Variants in LAMA2 observed in about 807,000 individuals in gnomAD.
LAMA2 encodes the protein laminin subunit alpha-2.
Under a neutral mutation model 364.8 loss-of-function variants are expected in LAMA2, and 269 were observed. The ratio of observed to expected loss-of-function variants is 0.74; its 90% CI spans 0.67 to 0.82. The LOEUF (loss-of-function observed/expected upper bound fraction) is 0.82, where lower values mean the gene tolerates loss of function less well. Among genes scored for constraint, LAMA2 ranks in the 40% least tolerant of loss-of-function variants. LAMA2 has a pLI of 0.00. For missense variants in LAMA2, 3,807 were observed against 3,873.2 expected (o/e 0.98, Z 0.45); for synonymous variants, 1,379 against 1,370.6 (o/e 1.01, Z -0.14).
At chr6:129,178,098 A>G (rs903571034) in intron 10 of LAMA2, among the ~76,000 whole-genome samples, 3 of 152,222 alleles carry the variant, frequency 2.0e-5, no homozygotes, top group Non-Finnish European at 4.4e-5. Context: ...TTGTTATTTT[A>G]TAACAAAAAC....
chr6:128,987,687 A>T (rs953969004), intron 1 of LAMA2, among the ~76,000 whole-genome samples: 17 of 152,176 alleles, frequency 1.1e-4, no homozygotes, highest in African/African-American at 3.9e-4. Context: ...TAGTATGAAG[A>T]AAAGAGTCTT....
chr6:129,288,178 T>TG (rs1644225365), intron 19 of LAMA2, 120 bp downstream of exon 19: 1 of 817,014 alleles, frequency 1.2e-6, no homozygotes, highest in Non-Finnish European at 2.1e-6. Flanking sequence ...GGTTGATAGA[T>TG]GCATAGAATA....
At chr6:129,386,613 G>A (rs562953502) in intron 35 of LAMA2, among the ~76,000 whole-genome samples, 9 of 152,170 alleles carry the variant, frequency 5.9e-5, no homozygotes, top group East Asian at 1.9e-4. Flanking sequence ...TAAGTAAAGC[G>A]CAGTGAAATA....
At chr6:129,099,748 G>A (rs2114876666) in intron 4 of LAMA2, among the ~76,000 whole-genome samples, 2 of 152,238 alleles carry the variant, frequency 1.3e-5, no homozygotes, top group Admixed American at 6.5e-5. Flanking sequence ...ATGTATACCA[G>A]TGCTTCACTA....
chr6:129,492,749 C>A (rs1784939392), intron 58 of LAMA2, among the ~76,000 whole-genome samples: 1 of 152,192 alleles, frequency 6.6e-6, no homozygotes, highest in Non-Finnish European at 1.5e-5. Flanking sequence ...ACTTATAATA[C>A]CATGACAGAG....
chr6:129,438,064 A>G (rs78686391), intron 41 of LAMA2, among the ~76,000 whole-genome samples: 3,886 of 151,752 alleles, frequency 0.026, 170 homozygotes, highest in African/African-American at 0.089. Flanking sequence ...ACTATATAAA[A>G]TTTATTGGAC....
At chr6:129,314,905 C>A in intron 24 of LAMA2, 107 bp downstream of exon 24, 2 of 1,145,570 alleles carry the variant, frequency 1.7e-6, no homozygotes, top group African/African-American at 1.5e-5. Flanking sequence ...ATTTAAGTAA[C>A]CTTTTCCTCT....
At position 129,315,532 on chromosome 6, in the gene LAMA2, C is replaced by T; in HGVS notation, c.3612C>T (p.His1204=). Residue 1204 remains histidine (H), a synonymous_variant, in exon 25 of 65, where the codon CAC becomes CAT. Transcript: ENST00000421865. ...CCCTGGTAGATGAGGCTCTGCAGCA[C>T]ACGACCACCAAGGGCATTGTTTTTC... ...ILPLVDEALQ[H]TTTKGIVFQH... is the part of the protein sequence containing the mutation. 6.2e-7 allele frequency: 1 copy of T among 1,614,146 alleles called. No individual in the cohort carries two copies. Among genetic ancestry groups the T allele is most frequent in the Non-Finnish European group, 8.5e-7 (1 of 1,180,020 alleles).
intron 3 of LAMA2, among the ~76,000 whole-genome samples, chr6:129,091,930 A>G (rs1028490078): frequency 6.6e-6 from 1 of 152,230 alleles, no homozygotes; most frequent in Non-Finnish European, 1.5e-5. Context: ...ATGAGAGTGA[A>G]CAATTTTCTG....
At chr6:129,315,076 A>G (rs1774493910) in intron 24 of LAMA2, among the ~76,000 whole-genome samples, 1 of 152,220 alleles carries the variant, frequency 6.6e-6, no homozygotes, top group South Asian at 2.1e-4. Context: ...TGAGATGGGA[A>G]GAGTGAGGGC....
At chr6:129,156,864 G>C (rs1469419236) in intron 8 of LAMA2, among the ~76,000 whole-genome samples, 2 of 152,036 alleles carry the variant, frequency 1.3e-5, no homozygotes, top group Non-Finnish European at 2.9e-5. Context: ...TATGAGATTG[G>C]CGAATCTTGG....
At chr6:129,471,493 A>T (rs1038897439) in intron 51 of LAMA2, among the ~76,000 whole-genome samples, 2 of 151,934 alleles carry the variant, frequency 1.3e-5, no homozygotes, top group African/African-American at 4.8e-5. Context: ...TGTGATAGAG[A>T]GGCAGAATCT....
intron 1 of LAMA2, among the ~76,000 whole-genome samples, chr6:129,046,148 A>G (rs902073578): frequency 2.6e-5 from 4 of 152,118 alleles, no homozygotes; most frequent in Admixed American, 2.6e-4. Context: ...CTTACTACTT[A>G]TTTTTCTATA....
chr6:129,351,746 T>C (rs1776864520), intron 31 of LAMA2, among the ~76,000 whole-genome samples: 1 of 152,216 alleles, frequency 6.6e-6, no homozygotes, highest in Middle Eastern at 3.2e-3. Context: ...GAACATTTAA[T>C]CAATCTGAAT....
At chr6:128,987,285 G>A (rs764859172) in intron 1 of LAMA2, among the ~76,000 whole-genome samples, 38 of 151,818 alleles carry the variant, frequency 2.5e-4, no homozygotes, top group South Asian at 1.2e-3. Context: ...GACTACAGGC[G>A]TGTGCCCCAC....
intron 40 of LAMA2, among the ~76,000 whole-genome samples, chr6:129,405,777 A>G (rs971499571): frequency 1.1e-4 from 17 of 152,170 alleles, no homozygotes; most frequent in African/African-American, 3.6e-4. Context: ...CATTACGTTG[A>G]GTAATTATCT....
At chr6:129,041,098 A>T (rs1329812916) in intron 1 of LAMA2, among the ~76,000 whole-genome samples, 1 of 152,194 alleles carries the variant, frequency 6.6e-6, no homozygotes, top group Non-Finnish European at 1.5e-5. Context: ...CATTTGTAAA[A>T]TTCAAGTTTG....
At chr6:129,011,660 A>G (rs540560286) in intron 1 of LAMA2, among the ~76,000 whole-genome samples, 1 of 152,282 alleles carries the variant, frequency 6.6e-6, no homozygotes. Context: ...CTTTCCAGAG[A>G]TTACTCTTAA....
At chr6:129,128,952 G>C (rs935267098) in intron 4 of LAMA2, among the ~76,000 whole-genome samples, 1 of 151,464 alleles carries the variant, frequency 6.6e-6, no homozygotes, top group Non-Finnish European at 1.5e-5. Flanking sequence ...TTGGCTGCCA[G>C]TTTCTTTCTT....
Sources: allele counts gnomAD v4.1 joint callset (sites outside exome capture counted in the v4.1 genomes callset), GRCh38; gene constraint gnomAD v4.1.1; transcripts MANE v1.5; gene names NCBI Gene and HGNC (gene_info 2026-07-23, HGNC 2026-07-21).